Variants in RSF1 observed in about 807,000 individuals in gnomAD.
The protein encoded by RSF1 is remodeling and spacing factor 1.
A neutral mutation model predicts 145.2 loss-of-function variants in RSF1; 13 were observed. That is an observed-to-expected ratio of 0.09 (90% CI 0.06 to 0.14). RSF1 has a LOEUF of 0.14. Among genes scored for constraint, RSF1 ranks in the 10% least tolerant of loss-of-function variants. RSF1 has a pLI of 1.00. For synonymous variants in RSF1, 577 were observed against 592.6 expected, an observed-to-expected ratio of 0.97 and a Z score of 0.38; for missense variants, 1,517 against 1,718.2, an observed-to-expected ratio of 0.88 and a Z score of 2.07.
At chr11:77,733,243 G>A (rs373718145) in intron 4 of RSF1, among the ~76,000 whole-genome samples, 8 of 152,068 alleles carry the variant, frequency 5.3e-5, no homozygotes, top group African/African-American at 1.2e-4. Context: ...AGCCATTTTC[G>A]TTTTACTAAT....
rs146902381 is a variant in RSF1, at chr11:77,730,039, A to C, written c.579-4340T>G. Among the ~76,000 whole-genome samples, 1,098 of 152,152 alleles carry C rather than the reference A, an allele frequency of 7.2e-3. 5 individuals carry two copies. The highest frequency in any genetic ancestry group is 0.041 in the Middle Eastern group (12 of 294). ...CTATGTTCCAAGCATTAATTATTCC[A>C]AGAGTTTTATATTAATTAGTTCATA... On this transcript the variant is annotated intron_variant, in intron 4 of 15. Coordinates refer to ENST00000308488, the MANE Select transcript of RSF1 (RefSeq NM_016578.4).
At chr11:77,801,015 A>ATC (rs1590895094) in intron 1 of RSF1, among the ~76,000 whole-genome samples, 1 of 151,920 alleles carries the variant, frequency 6.6e-6, no homozygotes, top group East Asian at 1.9e-4. Context: ...TCTCTCTCAA[A>ATC]AAAAAAAAGA....
intron 3 of RSF1, among the ~76,000 whole-genome samples, chr11:77,742,555 G>T (rs1221594811): frequency 6.6e-6 from 1 of 152,098 alleles, no homozygotes; most frequent in East Asian, 1.9e-4. Flanking sequence ...TGGGATTACA[G>T]GCATGAGCCA....
chr11:77,752,420 G>A (rs931843050), intron 2 of RSF1, among the ~76,000 whole-genome samples: 1 of 152,102 alleles, frequency 6.6e-6, no homozygotes, highest in Non-Finnish European at 1.5e-5. Context: ...CCAGAAATTC[G>A]CTCCTATGCG....
At chr11:77,671,666 G>C (rs1462087319) in intron 15 of RSF1, among the ~76,000 whole-genome samples, 1 of 136,666 alleles carries the variant, frequency 7.3e-6, no homozygotes, top group Non-Finnish European at 1.5e-5. Context: ...ACACAGTCTT[G>C]CTCTGTCACC....
intron 4 of RSF1, chr11:77,734,534 C>A: frequency 6.3e-7 from 1 of 1,578,320 alleles, no homozygotes; most frequent in South Asian, 1.1e-5. Context: ...TCTGCCAAGC[C>A]AGATTCGAGT....
At chr11:77,794,597 G>A (rs910388379) in intron 1 of RSF1, among the ~76,000 whole-genome samples, 6 of 151,456 alleles carry the variant, frequency 4.0e-5, no homozygotes, top group African/African-American at 9.7e-5. Context: ...AACAACCACC[G>A]GGTCAATGAA....
At chr11:77,749,711 G>A (rs567775535) in intron 2 of RSF1, among the ~76,000 whole-genome samples, 14 of 152,122 alleles carry the variant, frequency 9.2e-5, no homozygotes, top group Non-Finnish European at 2.1e-4. Context: ...ATAACATTTA[G>A]GGTACATTTG....
chr11:77,666,131 G>A lies in RSF1; in HGVS notation c.*786C>T, dbSNP rs906610606. 20 of 152,126 alleles carry A rather than the reference G, an allele frequency of 1.3e-4. No individual in the cohort carries two copies. Among genetic ancestry groups the A allele is most frequent in the Non-Finnish European group, 8.8e-5 (6 of 68,042 alleles). The allele number at this position is 152,126 out of a possible 1,614,324, so 9.4% of individuals were successfully genotyped here. A position where few individuals can be genotyped will look rare whatever the true frequency, so the allele number is the denominator to read the frequency against. ...ACTCTCCATCAGACACAATATATTT[G>A]AGGCCACCTTATTACCACTGCATAA... On this transcript the variant is annotated 3_prime_UTR_variant, in exon 16 of 16. Transcript: ENST00000308488.
At position 77,690,937 on chromosome 11, in the gene RSF1, T is replaced by G. The variant is rs574513105; in HGVS notation, c.2900+222A>C. 13 of 531,984 alleles carry G rather than the reference T, an allele frequency of 2.4e-5. No individual in the cohort carries two copies. In the Admixed American group the frequency reaches 4.2e-4, roughly 17 times the overall value. 33.0% of individuals were successfully genotyped at this position (531,984 alleles called of 1,614,324 possible). A position where few individuals can be genotyped will look rare whatever the true frequency, so the allele number is the denominator to read the frequency against. ...AATAAAATTTGAGTATCATATAATT[T>G]TCATGTGTCATGAAATATGATTCTA... On this transcript the variant is annotated intron_variant, in intron 9 of 15. Coordinates refer to ENST00000308488, the MANE Select transcript of RSF1 (RefSeq NM_016578.4).
the RSF1 span, among the ~76,000 whole-genome samples, chr11:77,838,256 A>G: frequency 3.3e-5 from 5 of 152,146 alleles, no homozygotes; most frequent in African/African-American, 7.2e-5. Context: ...TGGTAAGGTT[A>G]TAGTACGGTT....
chr11:77,856,578 C>T, the RSF1 span, among the ~76,000 whole-genome samples: 2 of 152,136 alleles, frequency 1.3e-5, no homozygotes, highest in African/African-American at 4.8e-5. Flanking sequence ...AATTGGCTCA[C>T]GGTTCCACAG....
intron 5 of RSF1, among the ~76,000 whole-genome samples, chr11:77,713,907 GTTC>G (rs1408642567): frequency 6.6e-6 from 1 of 151,978 alleles, no homozygotes; most frequent in African/African-American, 2.4e-5. Context: ...GTTCTCTCTT[GTTC>G]TTATAATCCC....
At chr11:77,775,573 A>C (rs1948334079) in intron 1 of RSF1, among the ~76,000 whole-genome samples, 1 of 152,234 alleles carries the variant, frequency 6.6e-6, no homozygotes, top group Non-Finnish European at 1.5e-5. Flanking sequence ...ACACAGGCAT[A>C]TTCTAGTATC....
chr11:77,769,734 T>C (rs1388634102), intron 1 of RSF1, among the ~76,000 whole-genome samples: 1 of 152,270 alleles, frequency 6.6e-6, no homozygotes, highest in Non-Finnish European at 1.5e-5. Context: ...AATTCTATTG[T>C]GTTACTTATA....
the RSF1 span, among the ~76,000 whole-genome samples, chr11:77,847,520 AT>A: frequency 6.6e-6 from 1 of 152,232 alleles, no homozygotes; most frequent in African/African-American, 2.4e-5. Flanking sequence ...TGGATGGAAT[AT>A]ACCTAGATTG....
rs914374668 is a variant in RSF1 at position 77,666,314 on chromosome 11, T to A, written c.*603A>T. 6.6e-6 allele frequency: 1 copy of A among 152,616 alleles called. No individual in the cohort carries two copies. Among genetic ancestry groups the A allele is most frequent in the African/African-American group, 2.4e-5 (1 of 41,464 alleles). The allele number at this position is 152,616 out of a possible 1,614,324, so 9.5% of individuals were successfully genotyped here. On this transcript the variant is annotated 3_prime_UTR_variant, in exon 16 of 16. Coordinates refer to ENST00000308488, the MANE Select transcript of RSF1 (RefSeq NM_016578.4). ...GTTAATTATGATGGTACTTTCACTG[T>A]CTCTTCTTTATTAAGTGTGGTTATC...
chr11:77,787,464 G>A (rs765852635), intron 1 of RSF1, among the ~76,000 whole-genome samples: 12 of 152,078 alleles, frequency 7.9e-5, no homozygotes, highest in Non-Finnish European at 1.2e-4. Context: ...TCACAACCAT[G>A]TTTATTCATT....
chr11:77,667,654 A>G (rs1011122272), intron 15 of RSF1, among the ~76,000 whole-genome samples, 163 bp from the exon 16 acceptor site: 1 of 152,184 alleles, frequency 6.6e-6, no homozygotes, highest in Non-Finnish European at 1.5e-5. Context: ...CAGTCCCATA[A>G]CAATGCCCAA....
Sources: allele counts gnomAD v4.1 joint callset (sites outside exome capture counted in the v4.1 genomes callset), GRCh38; gene constraint gnomAD v4.1.1; transcripts MANE v1.5; gene names NCBI Gene and HGNC (gene_info 2026-07-23, HGNC 2026-07-21).